DOCK2: variants seen among roughly 807,000 people sequenced by gnomAD.
DOCK2 encodes dedicator of cytokinesis protein 2.
A neutral mutation model predicts 248.9 loss-of-function variants in DOCK2; 87 were observed. The observed-to-expected ratio is 0.35, with a 90% CI of 0.29 to 0.42. The LOEUF (loss-of-function observed/expected upper bound fraction) is 0.42. Ranked by LOEUF, DOCK2 falls within the 10% of genes least tolerant of loss-of-function variation. The probability of loss-of-function intolerance (pLI) is 1.00; values close to 1 mark genes in which losing one functional copy is unlikely to be tolerated. For missense variants in DOCK2, 1,747 were observed against 2,300.2 expected (o/e 0.76, Z 4.92); for synonymous variants, 805 against 821.6 (o/e 0.98, Z 0.35).
Position 169,821,624 on chromosome 5 carries a change from T to C in DOCK2, c.2703+18418T>C, listed in dbSNP as rs550851308. On this transcript the variant is annotated intron_variant, in intron 26 of 51. Transcript: ENST00000520908. ...CTAAAAGAGCTCCTGAAGTAAGCAC[T>C]AAACATGGAAAGGAACAACCAGTAC... 5.4e-4 allele frequency among the ~76,000 whole-genome samples: 82 copies of C among 152,280 alleles called. 1 individual carries two copies. Among genetic ancestry groups the C allele is most frequent in the African/African-American group, 1.9e-3 (81 of 41,542 alleles).
intron 40 of DOCK2, among the ~76,000 whole-genome samples, 159 bp from the exon 41 acceptor site, chr5:170,050,097 T>A (rs747240568): frequency 1.3e-5 from 2 of 152,090 alleles, no homozygotes; most frequent in Non-Finnish European, 2.9e-5. Flanking sequence ...GCTAGGTCAG[T>A]GAGTTGAGCC....
intron 8 of DOCK2, among the ~76,000 whole-genome samples, chr5:169,687,425 T>A (rs994423786): frequency 1.1e-4 from 17 of 152,146 alleles, no homozygotes; most frequent in Admixed American, 2.6e-4. Flanking sequence ...CTGCTCTCAT[T>A]AACCTTTTAG....
rs182103749 is a variant in DOCK2, at chr5:169,814,236, A to G, written c.2703+11030A>G. Among the ~76,000 whole-genome samples the G allele has an allele frequency of 8.7e-4, 132 of 152,342 alleles. 1 individual carries two copies. Among genetic ancestry groups the G allele is most frequent in the Non-Finnish European group, 1.7e-3 (114 of 68,032 alleles). ...ACCAGCAGGGAAACATACTGACGTCATGTGCCTCCTGACACGATGCACTGA... is the reference window on the plus strand; with the variant it reads ...ACCAGCAGGGAAACATACTGACGTCGTGTGCCTCCTGACACGATGCACTGA... On this transcript the variant is annotated intron_variant, in intron 26 of 51. Coordinates refer to ENST00000520908, the MANE Select transcript of DOCK2 (RefSeq NM_004946.3).
In DOCK2 at chr5:170,013,194, G is replaced by A. The variant is rs375338543; in HGVS notation, c.3232+4448G>A. Among the ~76,000 whole-genome samples, 95 of 152,208 alleles carry A rather than the reference G, an allele frequency of 6.2e-4. 1 individual carries two copies. Among genetic ancestry groups the A allele is most frequent in the African/African-American group, 2.1e-3 (89 of 41,490 alleles). ...GGGGAGCAACCAGCCCAGCAAGCAT[G>A]GCTTCCTAGGGTTGGGGAGAGGCTG... is the stretch of plus-strand genomic sequence containing the variant. On this transcript the variant is annotated intron_variant, in intron 32 of 51. Coordinates refer to ENST00000520908, the MANE Select transcript of DOCK2 (RefSeq NM_004946.3).
chr5:169,690,298 TG>T (rs1378419513), intron 9 of DOCK2, among the ~76,000 whole-genome samples: 34 of 152,190 alleles, frequency 2.2e-4, no homozygotes, highest in Admixed American at 1.3e-3. Context: ...CTACATTGCC[TG>T]TATTAGCTAG....
intron 9 of DOCK2, among the ~76,000 whole-genome samples, chr5:169,691,590 T>C (rs540942310): frequency 6.6e-6 from 1 of 152,034 alleles, no homozygotes; most frequent in African/African-American, 2.4e-5. Context: ...TAAAACAGGG[T>C]GATGTGATGG....
chr5:169,790,120 T>C (rs979011386), intron 25 of DOCK2, among the ~76,000 whole-genome samples: 3 of 152,336 alleles, frequency 2.0e-5, no homozygotes, highest in East Asian at 1.9e-4. Context: ...ATTTTGCTAA[T>C]GCTTGAATCC....
intron 1 of DOCK2, among the ~76,000 whole-genome samples, chr5:169,650,750 A>G (rs191890955): frequency 2.2e-4 from 33 of 152,072 alleles, no homozygotes; most frequent in Admixed American, 6.5e-5. Flanking sequence ...TTGGCCATAA[A>G]TGCTTTGTTC....
chr5:169,790,324 T>G (rs2113058588), intron 25 of DOCK2, among the ~76,000 whole-genome samples: 1 of 152,340 alleles, frequency 6.6e-6, no homozygotes, highest in East Asian at 1.9e-4. Flanking sequence ...ATAGGATTGT[T>G]CATGTGTGGC....
intron 22 of DOCK2, among the ~76,000 whole-genome samples, chr5:169,720,581 A>C (rs1252442666): frequency 6.6e-6 from 1 of 151,838 alleles, no homozygotes; most frequent in African/African-American, 2.4e-5. Flanking sequence ...AAGGGTTCTG[A>C]GCTTGTGGAA....
intron 36 of DOCK2, among the ~76,000 whole-genome samples, chr5:170,037,479 AAT>A (rs1491300888): frequency 7.2e-6 from 1 of 139,208 alleles, no homozygotes; most frequent in African/African-American, 2.7e-5. Flanking sequence ...CACAAAAACA[AAT>A]TTTTTTTTTT....
chr5:170,075,094 T>C (rs1261589510), intron 46 of DOCK2, among the ~76,000 whole-genome samples: 2 of 152,202 alleles, frequency 1.3e-5, no homozygotes, highest in African/African-American at 2.4e-5. Context: ...AGACCTCCAA[T>C]AGAAGTAAGC....
At chr5:169,982,837 C>T (rs549219156) in intron 27 of DOCK2, among the ~76,000 whole-genome samples, 1 of 152,330 alleles carries the variant, frequency 6.6e-6, no homozygotes, top group East Asian at 1.9e-4. Flanking sequence ...TTGAAATAGG[C>T]TGGATTTCCT....
At chr5:169,792,451 ATG>A (rs56969878) in intron 25 of DOCK2, among the ~76,000 whole-genome samples, 562 of 149,268 alleles carry the variant, frequency 3.8e-3, no homozygotes, top group Non-Finnish European at 5.2e-3. Context: ...TATTTTATAT[ATG>A]TGTGTGTGTG....
chr5:170,075,640 C>T, intron 46 of DOCK2: 1 of 289,324 alleles, frequency 3.5e-6, no homozygotes, highest in Non-Finnish European at 6.6e-6. Context: ...ACACTCTGCC[C>T]CCAAGTAGAT....
Position 170,080,219 on chromosome 5 carries a change from C to A in DOCK2, c.5223C>A (p.Ile1741=). The A allele has an allele frequency of 6.2e-7, 1 of 1,614,160 alleles. No individual in the cohort carries two copies. The highest frequency in any genetic ancestry group is 8.5e-7 in the Non-Finnish European group (1 of 1,180,030). ...SDTNLSEHAA[I]PLKASVLSQM... is the part of the protein sequence containing the mutation. Reference sequence around the variant, plus strand: ...CCAACCTCTCGGAGCATGCGGCCATCCCCCTCAAGGCGTCTGTCCTCTCTC... The same window carrying A: ...CCAACCTCTCGGAGCATGCGGCCATACCCCTCAAGGCGTCTGTCCTCTCTC... The change falls in exon 50 of 52, where the codon ATC becomes ATA. Residue 1741 remains isoleucine (I), a synonymous_variant. Coordinates refer to ENST00000520908, the MANE Select transcript of DOCK2 (RefSeq NM_004946.3).
At chr5:169,806,107 CT>C (rs938335725) in intron 26 of DOCK2, among the ~76,000 whole-genome samples, 1 of 151,416 alleles carries the variant, frequency 6.6e-6, no homozygotes, top group African/African-American at 2.4e-5. Flanking sequence ...GCCATGATTA[CT>C]TTGAGCTAAA....
In DOCK2 at chr5:169,764,682, C is replaced by T. The variant is rs1002210523; in HGVS notation, c.2554+3057C>T. Among the ~76,000 whole-genome samples, 3 of 152,146 alleles carry T rather than the reference C, an allele frequency of 2.0e-5. No individual in the cohort carries two copies. The highest frequency in any genetic ancestry group is 2.4e-5 in the African/African-American group (1 of 41,420). ...TGTTTTTCCTGCTGATCCCAATTTC[C>T]GTGCTGACCTTTAAATTCCTTGCAA... On this transcript the variant is annotated intron_variant, in intron 25 of 51. Coordinates refer to ENST00000520908, the MANE Select transcript of DOCK2 (RefSeq NM_004946.3). The surrounding 1 kb of genome is among the most constrained non-coding windows in gnomAD (Gnocchi z 4.3).
chr5:169,820,054 G>A (rs547389851), intron 26 of DOCK2, among the ~76,000 whole-genome samples: 7 of 152,320 alleles, frequency 4.6e-5, no homozygotes, highest in Non-Finnish European at 5.9e-5. Flanking sequence ...GAACTGCAAG[G>A]CAACAGCGAG....
Sources: gnomAD v4.1 joint callset for allele counts (sites outside exome capture counted in the v4.1 genomes callset) on GRCh38, gnomAD v4.1.1 for gene constraint, Gnocchi (gnomAD v3.1) non-coding constraint, MANE v1.5 for transcripts, NCBI Gene and HGNC (gene_info 2026-07-23, HGNC 2026-07-21) for gene names.